PTBP1: variants seen among roughly 807,000 people sequenced by gnomAD.
PTBP1 encodes polypyrimidine tract-binding protein 1.
Under a neutral mutation model 59.8 loss-of-function variants are expected in PTBP1, and 8 were observed. The observed-to-expected ratio is 0.13, with a 90% confidence interval of 0.08 to 0.24. The LOEUF is 0.24. Among genes scored for constraint, PTBP1 ranks in the 10% least tolerant of loss-of-function variants. The pLI is 1.00. For missense variants in PTBP1, 686 were observed against 767.0 expected (o/e 0.89, Z 1.25); for synonymous variants, 490 against 320.7 (o/e 1.53, Z -5.64).
rs749058211 is a variant in PTBP1, at chr19:799,409, A to T, written c.9-4A>T. On this transcript the variant is annotated splice_polypyrimidine_tract_variant and splice_region_variant and intron_variant, in intron 1 of 14. Coordinates refer to ENST00000356948, the MANE Select transcript of PTBP1 (RefSeq NM_002819.5). ...AACGTTGTCTCCTTTCTTTCTCTCTACAGCATTGTCCCAGATATAGCCGTT... is the reference window on the plus strand; with the variant it reads ...AACGTTGTCTCCTTTCTTTCTCTCTTCAGCATTGTCCCAGATATAGCCGTT... The T allele has an allele frequency of 1.2e-6, 2 of 1,613,586 alleles. No homozygotes were observed. The highest frequency in any genetic ancestry group is 1.3e-5 in the African/African-American group (1 of 74,880).
chr19:809,434 A>G (rs1176947783), intron 13 of PTBP1, among the ~76,000 whole-genome samples: 1 of 152,146 alleles, frequency 6.6e-6, no homozygotes, highest in African/African-American at 2.4e-5. Flanking sequence ...CTGCTGCCTC[A>G]GCCTCCCGAG....
chr19:806,804 C>T (rs1366123864), intron 10 of PTBP1: 5 of 424,366 alleles, frequency 1.2e-5, no homozygotes, highest in Non-Finnish European at 2.1e-5. Context: ...TTTTTGGTTA[C>T]CCAAAGGCAA....
chr19:801,365 G>T (rs2034326805), intron 2 of PTBP1, among the ~76,000 whole-genome samples: 1 of 152,256 alleles, frequency 6.6e-6, no homozygotes, highest in African/African-American at 2.4e-5. Context: ...AGCCAAGCCG[G>T]CCTGTGCCGC....
At chr19:797,629 C>G (rs1479038151) in intron 1 of PTBP1, 124 bp downstream of exon 1, 4 of 558,580 alleles carry the variant, frequency 7.2e-6, no homozygotes, top group South Asian at 1.6e-4. Context: ...GGCGGGCTCT[C>G]CCCTTCCTCT....
rs755128175 is a variant in PTBP1, at chr19:808,364, C to G, written c.1158C>G (p.Val386=). The change falls in exon 12 of 15, where the codon GTC becomes GTG. Residue 386 remains valine (V), a synonymous_variant. Transcript: ENST00000356948. The surrounding 1 kb of genome is among the most constrained non-coding windows in gnomAD (Gnocchi z 4.7). ...TPQSLFILFG[V]YGDVQRVKIL... ...CCCATCCCTGGGCTTTTGAAGGCGT[C>G]TACGGTGACGTGCAGCGCGTGAAGA... 6.3e-7 allele frequency: 1 copy of G among 1,597,752 alleles called. No individual in the cohort carries two copies. Among genetic ancestry groups the G allele is most frequent in the East Asian group, 2.3e-5 (1 of 44,360 alleles).
chr19:800,682 G>A (rs1360042691), intron 2 of PTBP1, among the ~76,000 whole-genome samples: 1 of 152,220 alleles, frequency 6.6e-6, no homozygotes, highest in Non-Finnish European at 1.5e-5. Context: ...CGATCTTCCT[G>A]GAGATAAAAC....
At position 806,538 on chromosome 19, in the gene PTBP1, C is replaced by G; in HGVS notation, c.1101C>G (p.Val367=). ...LAGAGNSVLL[V]SNLNPERVTP... ...GGGCAGGAAATTCTGTATTGCTGGT[C>G]AGCAACCTCAACCCAGAGGTACGTG... Residue 367 remains valine (V), a synonymous_variant, in exon 10 of 15, where the codon GTC becomes GTG. Coordinates refer to ENST00000356948, the MANE Select transcript of PTBP1 (RefSeq NM_002819.5). 6.5e-7 allele frequency: 1 copy of G among 1,539,378 alleles called. No homozygotes were observed.
intron 3 of PTBP1, 116 bp from the exon 4 acceptor site, chr19:803,920 C>T (rs1191769356): frequency 2.4e-6 from 3 of 1,258,990 alleles, no homozygotes; most frequent in Non-Finnish European, 3.4e-6. Context: ...CACATGCACC[C>T]TCCTGGGGCT....
rs1324574789 is a variant in PTBP1 at position 811,668 on chromosome 19, A to T, written c.*842A>T. The T allele has an allele frequency of 6.6e-6, 1 of 152,378 alleles. No homozygotes were observed. Among genetic ancestry groups the T allele is most frequent in the Non-Finnish European group, 1.5e-5 (1 of 68,044 alleles). The allele number at this position is 152,378 out of a possible 1,614,324, so 9.4% of individuals were successfully genotyped here. ...AGGCAGGACCCAGTTTCCAGAGAGCAGGCGGGGCCGCCCAGTGGGTCAGGC... is the reference window on the plus strand; with the variant it reads ...AGGCAGGACCCAGTTTCCAGAGAGCTGGCGGGGCCGCCCAGTGGGTCAGGC... On this transcript the variant is annotated 3_prime_UTR_variant, in exon 15 of 15. Transcript: ENST00000356948.
At chr19:803,790 T>C (rs1461377562) in intron 3 of PTBP1, among the ~76,000 whole-genome samples, 154 bp downstream of exon 3, 1 of 152,152 alleles carries the variant, frequency 6.6e-6, no homozygotes, top group Non-Finnish European at 1.5e-5. Flanking sequence ...TGCAGAGAAT[T>C]TCCAGGGAGG....
intron 14 of PTBP1, 23 bp from the exon 15 acceptor site, chr19:810,671 G>A (rs200448387): frequency 3.3e-5 from 53 of 1,611,356 alleles, no homozygotes; most frequent in Admixed American, 1.0e-4. Context: ...CCCTGCGGCC[G>A]GCCCTGACCC....
At chr19:799,251 CCCTTCTGAGCTTTCTCTAGCGGGG>C in intron 1 of PTBP1, 138 bp from the exon 2 acceptor site, 1 of 766,952 alleles carries the variant, frequency 1.3e-6, no homozygotes, top group Non-Finnish European at 2.4e-6. Context: ...CACTTCCCTG[CCCTTCTGAGCTTTCTCTAGCGGGG>C]CCTCGTGCAG....
Position 806,477 on chromosome 19 carries a change from C to T in PTBP1, c.1040C>T (p.Ala347Val), listed in dbSNP as rs1242918624. 2.5e-6 allele frequency: 4 copies of T among 1,590,972 alleles called. No homozygotes were observed. The highest frequency in any genetic ancestry group is 2.8e-5 in the African/African-American group (2 of 72,416). Residue 347 changes from alanine to valine, a missense_variant, in exon 10 of 15, where the codon GCG becomes GTG. Coordinates refer to ENST00000356948, the MANE Select transcript of PTBP1 (RefSeq NM_002819.5). The part of the protein sequence containing the change: ...LAIPSAAAAA[A>V]AAGRIAIPGL... ...ATCCCCTCGGCGGCGGCGGCAGCTGCGGCGGCAGGTCGGATCGCCATCCCG... is the reference window on the plus strand; with the variant it reads ...ATCCCCTCGGCGGCGGCGGCAGCTGTGGCGGCAGGTCGGATCGCCATCCCG...
At chr19:806,317 C>T (rs1380306869) in intron 9 of PTBP1, 91 bp from the exon 10 acceptor site, 34 of 1,391,898 alleles carry the variant, frequency 2.4e-5, no homozygotes, top group Non-Finnish European at 2.5e-5. Flanking sequence ...CGGCTCGGCT[C>T]CTCGGTGCAT....
At chr19:809,332 T>A (rs2034741614) in intron 13 of PTBP1, among the ~76,000 whole-genome samples, 1 of 119,152 alleles carries the variant, frequency 8.4e-6, no homozygotes, top group Non-Finnish European at 1.7e-5. Context: ...TTATTTATTT[T>A]ACTTATTTTG....
At chr19:805,590 G>C in intron 9 of PTBP1, 21 bp downstream of exon 9, 26 of 1,601,948 alleles carry the variant, frequency 1.6e-5, no homozygotes, top group Non-Finnish European at 2.2e-5. Context: ...GCTTGGTCTT[G>C]GTTCCCCAGC....
At chr19:805,774 G>A in intron 9 of PTBP1, 1 of 586,126 alleles carries the variant, frequency 1.7e-6, no homozygotes, top group Admixed American at 3.0e-5. Context: ...CCCACGTGTG[G>A]ACGGCGCCAG....
At chr19:802,488 C>A (rs185037639) in intron 2 of PTBP1, among the ~76,000 whole-genome samples, 13 of 152,100 alleles carry the variant, frequency 8.5e-5, no homozygotes, top group Admixed American at 3.9e-4. Context: ...TCCACTGGTT[C>A]TTTCTGATGC....
At chr19:801,217 G>C (rs892528118) in intron 2 of PTBP1, among the ~76,000 whole-genome samples, 1 of 152,176 alleles carries the variant, frequency 6.6e-6, no homozygotes, top group African/African-American at 2.4e-5. Context: ...TGCCCTGAAG[G>C]GACCCTCCTG....
Sources: allele counts gnomAD v4.1 joint callset (sites outside exome capture counted in the v4.1 genomes callset), GRCh38; gene constraint gnomAD v4.1.1; non-coding constraint Gnocchi (gnomAD v3.1); transcripts MANE v1.5; gene names NCBI Gene and HGNC (gene_info 2026-07-23, HGNC 2026-07-21).